Variants in ADGRL2 observed in about 807,000 individuals in gnomAD.
ADGRL2 encodes the protein adhesion G protein-coupled receptor L2.
Under a neutral mutation model 157.4 loss-of-function variants are expected in ADGRL2, and 44 were observed. That is an observed-to-expected ratio of 0.28 (90% CI 0.22 to 0.36). The LOEUF is 0.36. Ranked by LOEUF, ADGRL2 falls within the 10% of genes least tolerant of loss-of-function variation. The pLI is 1.00. For synonymous variants in ADGRL2, 585 were observed against 624.7 expected, an observed-to-expected ratio of 0.94 and a Z score of 0.95; for missense variants, 1,510 against 1,768.9, an observed-to-expected ratio of 0.85 and a Z score of 2.63.
At chr1:81,742,631 C>G (rs2085109586) in intron 1 of ADGRL2, among the ~76,000 whole-genome samples, 1 of 152,038 alleles carries the variant, frequency 6.6e-6, no homozygotes, top group South Asian at 2.1e-4. Flanking sequence ...TTCCATAAAT[C>G]AACACTCCAG....
intron 2 of ADGRL2, among the ~76,000 whole-genome samples, chr1:81,467,237 A>G (rs77651951): frequency 1.3e-5 from 2 of 152,176 alleles, no homozygotes; most frequent in Admixed American, 1.3e-4. Flanking sequence ...GCACTGCTGC[A>G]TAGGGAGAAT....
intron 1 of ADGRL2, among the ~76,000 whole-genome samples, chr1:81,432,381 T>A (rs535421924): frequency 1.3e-5 from 2 of 152,202 alleles, no homozygotes; most frequent in African/African-American, 4.8e-5. Context: ...GAGTTGGATG[T>A]TGTCAAGGAT....
chr1:81,323,409 C>CA (rs1211164330), intron 1 of ADGRL2, among the ~76,000 whole-genome samples: 2 of 114,460 alleles, frequency 1.7e-5, no homozygotes, highest in African/African-American at 6.6e-5. Context: ...TAGACTAATT[C>CA]AATTTTTTTT....
chr1:81,757,169 C>A (rs868587822), intron 1 of ADGRL2, among the ~76,000 whole-genome samples: 50 of 152,182 alleles, frequency 3.3e-4, no homozygotes, highest in Middle Eastern at 3.4e-3. Context: ...CATTTGCTAG[C>A]AAAACCTCAG....
In ADGRL2 at chr1:81,769,039, C is replaced by T. The variant is rs140356893; in HGVS notation, c.-101+7187C>T. Among the ~76,000 whole-genome samples, 586 of 152,088 alleles carry T rather than the reference C, an allele frequency of 3.9e-3. 2 individuals are homozygous for T. Among genetic ancestry groups the T allele is most frequent in the Non-Finnish European group, 6.7e-3 (453 of 67,998 alleles). ...GGCGGAGGTTGCTGAGTAGAGATCG[C>T]GGCACTGCACTGCAGTCTGGGCGAC... On this transcript the variant is annotated intron_variant, in intron 2 of 20. Transcript: ENST00000359929.
chr1:81,475,018 G>C (rs989680009), intron 2 of ADGRL2, among the ~76,000 whole-genome samples: 1 of 152,066 alleles, frequency 6.6e-6, no homozygotes, highest in Non-Finnish European at 1.5e-5. Context: ...GGAACCCAGG[G>C]CCTAAAAGCA....
At chr1:81,315,824 G>A (rs1470470367) in intron 1 of ADGRL2, among the ~76,000 whole-genome samples, 2 of 151,808 alleles carry the variant, frequency 1.3e-5, no homozygotes, top group Non-Finnish European at 2.9e-5. Flanking sequence ...AAAGTAACTT[G>A]AATAAATGGA....
At chr1:81,379,267 C>T (rs760991183) in intron 1 of ADGRL2, among the ~76,000 whole-genome samples, 5 of 152,118 alleles carry the variant, frequency 3.3e-5, no homozygotes, top group Non-Finnish European at 7.4e-5. Context: ...AGCATACAGA[C>T]GGGCAGGCTG....
intron 1 of ADGRL2, among the ~76,000 whole-genome samples, chr1:81,443,133 G>A (rs2077539160): frequency 6.6e-6 from 1 of 152,008 alleles, no homozygotes; most frequent in Non-Finnish European, 1.5e-5. Context: ...AAGTTTACTG[G>A]ATGGTGGTCA....
chr1:81,408,608 A>G (rs56065454), intron 1 of ADGRL2, among the ~76,000 whole-genome samples: 58,116 of 152,078 alleles, frequency 0.38, 11,233 homozygotes, highest in East Asian at 0.49. Context: ...TGTCAGCTCC[A>G]TAGATTTGCT....
chr1:81,987,481 C>T (rs1333899741), intron 22 of ADGRL2: 5 of 741,354 alleles, frequency 6.7e-6, no homozygotes, highest in Non-Finnish European at 1.2e-5. Context: ...TATATCCAAA[C>T]TATAGTATAG....
intron 1 of ADGRL2, among the ~76,000 whole-genome samples, chr1:81,439,710 G>C (rs546619282): frequency 6.6e-6 from 1 of 152,364 alleles, no homozygotes; most frequent in South Asian, 2.1e-4. Flanking sequence ...TGCTCCTTTA[G>C]TTGTGCCATT....
chr1:81,690,041 T>C (rs1250285813), intron 3 of ADGRL2, among the ~76,000 whole-genome samples: 2 of 152,144 alleles, frequency 1.3e-5, no homozygotes, highest in Non-Finnish European at 2.9e-5. Flanking sequence ...CCAACTTACT[T>C]ACTCACAGGA....
At position 81,966,494 on chromosome 1, in the gene ADGRL2, TTGGTCG is replaced by T. The variant is rs1657084669; in HGVS notation, c.2236_2241del (p.Gly746_Arg747del). On this transcript the variant is annotated inframe_deletion, in exon 13 of 24. Coordinates refer to ENST00000686636, the MANE Select transcript of ADGRL2 (RefSeq NM_001366006.2). ...ACCATTAAACTGGGTGCTGATTTTATTGGTCGTAATAGCACCATTGCAGTGAACTCT... is the reference window on the plus strand; with the variant it reads ...ACCATTAAACTGGGTGCTGATTTTATTAATAGCACCATTGCAGTGAACTCT... 1 of 1,613,914 alleles carries T rather than the reference TTGGTCG, an allele frequency of 6.2e-7. No individual in the cohort carries two copies. Among genetic ancestry groups the T allele is most frequent in the Admixed American group, 1.7e-5 (1 of 59,998 alleles).
intron 1 of ADGRL2, among the ~76,000 whole-genome samples, chr1:81,708,986 T>G (rs1486625658): frequency 1.3e-5 from 2 of 152,142 alleles, no homozygotes; most frequent in Non-Finnish European, 2.9e-5. Context: ...ACCACACTTC[T>G]GAATATGGTC....
At chr1:81,923,380 A>G (rs949216251) in intron 3 of ADGRL2, among the ~76,000 whole-genome samples, 1 of 152,194 alleles carries the variant, frequency 6.6e-6, no homozygotes, top group African/African-American at 2.4e-5. Flanking sequence ...GTGAGACTCC[A>G]TTAATCTGAG....
intron 2 of ADGRL2, among the ~76,000 whole-genome samples, chr1:81,565,451 G>A (rs765356305): frequency 1.1e-4 from 16 of 152,250 alleles, no homozygotes; most frequent in Middle Eastern, 3.4e-3. Flanking sequence ...CACATTTGTT[G>A]TTGATCTACT....
At chr1:81,751,613 G>C (rs988263562) in intron 1 of ADGRL2, among the ~76,000 whole-genome samples, 1 of 152,132 alleles carries the variant, frequency 6.6e-6, no homozygotes. Context: ...TTGTGGACTG[G>C]ATCATTTTGT....
chr1:81,430,616 G>T (rs1381971823), intron 1 of ADGRL2, among the ~76,000 whole-genome samples: 1 of 151,952 alleles, frequency 6.6e-6, no homozygotes, highest in Non-Finnish European at 1.5e-5. Flanking sequence ...CTCTCCCCCA[G>T]CCCCCCACTG....
Sources: gnomAD v4.1 joint callset for allele counts (sites outside exome capture counted in the v4.1 genomes callset) on GRCh38, gnomAD v4.1.1 for gene constraint, MANE v1.5 for transcripts, NCBI Gene and HGNC (gene_info 2026-07-23, HGNC 2026-07-21) for gene names.